The following RBMS3 variants were observed in gnomAD, a reference collection of about 807,000 sequenced individuals.
RBMS3 encodes the protein RNA-binding motif, single-stranded-interacting protein 3.
RBMS3 carries 27 observed loss-of-function variants against 66.8 expected under a neutral mutation model. The ratio of observed to expected loss-of-function variants is 0.40; its 90% CI spans 0.30 to 0.56. The LOEUF is 0.56. Ranked by LOEUF, RBMS3 falls within the 20% of genes least tolerant of loss-of-function variation. The probability of loss-of-function intolerance (pLI) is 0.40; values close to 1 mark genes in which losing one functional copy is unlikely to be tolerated. For missense variants in RBMS3, 513 were observed against 549.5 expected, an observed-to-expected ratio of 0.93 and a Z score of 0.66; for synonymous variants, 188 against 183.0, an observed-to-expected ratio of 1.03 and a Z score of -0.22.
At chr3:29,844,708 A>C (rs2058738905) in intron 6 of RBMS3, among the ~76,000 whole-genome samples, 1 of 152,244 alleles carries the variant, frequency 6.6e-6, no homozygotes, top group Non-Finnish European at 1.5e-5. Flanking sequence ...GATTTGAGTA[A>C]GTTATTTCAA....
intron 4 of RBMS3, among the ~76,000 whole-genome samples, chr3:29,597,032 T>A (rs761345408): frequency 6.6e-6 from 1 of 152,130 alleles, no homozygotes; most frequent in Non-Finnish European, 1.5e-5. Flanking sequence ...ACTGGTGGAA[T>A]GGGACAAGAT....
In RBMS3 at chr3:29,755,661, G is replaced by T. The variant is rs147496754; in HGVS notation, c.558-7249G>T. Among the ~76,000 whole-genome samples the T allele has an allele frequency of 6.4e-3, 971 of 152,310 alleles. 12 individuals are homozygous for T. Among genetic ancestry groups the T allele is most frequent in the African/African-American group, 0.022 (923 of 41,564 alleles). On this transcript the variant is annotated intron_variant, in intron 5 of 14. Coordinates refer to ENST00000383767, the MANE Select transcript of RBMS3 (RefSeq NM_001003793.3). ...GAGCCAGAGCCTCAGAGGAGGGCCT[G>T]CTTGGAAGGACTGTAGACAGGGAGA... is the stretch of plus-strand genomic sequence containing the variant.
intron 5 of RBMS3, among the ~76,000 whole-genome samples, chr3:29,744,321 G>T (rs559067877): frequency 1.3e-5 from 2 of 152,098 alleles, no homozygotes; most frequent in Admixed American, 6.6e-5. Flanking sequence ...AAGGTTTTGG[G>T]TTTTTTTAAA....
At chr3:29,568,098 G>A (rs1355238983) in intron 3 of RBMS3, among the ~76,000 whole-genome samples, 2 of 152,096 alleles carry the variant, frequency 1.3e-5, no homozygotes, top group Non-Finnish European at 2.9e-5. Context: ...ACTGGAATTT[G>A]CATAATACAT....
intron 4 of RBMS3, among the ~76,000 whole-genome samples, chr3:29,683,674 A>C (rs139479811): frequency 2.0e-3 from 303 of 152,356 alleles, no homozygotes; most frequent in Non-Finnish European, 2.8e-3. Context: ...GTTGCTGCTG[A>C]TAAGGCGACA....
intron 2 of RBMS3, among the ~76,000 whole-genome samples, chr3:29,471,693 A>G (rs1276575173): frequency 6.7e-6 from 1 of 148,636 alleles, no homozygotes; most frequent in African/African-American, 2.5e-5. Context: ...TATTGCTGTA[A>G]TGAATTTTAT....
chr3:29,500,685 T>C (rs139101737), intron 3 of RBMS3, among the ~76,000 whole-genome samples: 2 of 152,232 alleles, frequency 1.3e-5, no homozygotes, highest in Non-Finnish European at 2.9e-5. Context: ...CCATACAGCC[T>C]AGGTGTATAG....
chr3:29,997,750 G>T (rs1275695607), intron 14 of RBMS3, among the ~76,000 whole-genome samples: 1 of 151,852 alleles, frequency 6.6e-6, no homozygotes, highest in South Asian at 2.1e-4. Flanking sequence ...AATAAATTAG[G>T]TATCGATGGG....
intron 6 of RBMS3, among the ~76,000 whole-genome samples, chr3:29,797,069 C>A (rs2057225513): frequency 6.6e-6 from 1 of 152,032 alleles, no homozygotes; most frequent in Non-Finnish European, 1.5e-5. Flanking sequence ...GTCAGCCTGT[C>A]CTTTGAAGTT....
In RBMS3 at chr3:29,614,027, G is replaced by A. The variant is rs184194977; in HGVS notation, c.399+26822G>A. On this transcript the variant is annotated intron_variant, in intron 4 of 14. Coordinates refer to ENST00000383767, the MANE Select transcript of RBMS3 (RefSeq NM_001003793.3). ...GTATGTGAAAGAGATAACTGCTCAT[G>A]TTCGTTGCAGCATTATTCCCAATAG... is the stretch of plus-strand genomic sequence containing the variant. Among the ~76,000 whole-genome samples, 418 of 152,240 alleles carry A rather than the reference G, an allele frequency of 2.7e-3. 1 individual carries two copies. The highest frequency in any genetic ancestry group is 9.8e-3 in the African/African-American group (407 of 41,552).
At chr3:29,440,613 A>T (rs1269395712) in intron 2 of RBMS3, among the ~76,000 whole-genome samples, 1 of 152,202 alleles carries the variant, frequency 6.6e-6, no homozygotes. Flanking sequence ...TTTAACATTT[A>T]AAAAGAGAGG....
chr3:29,879,209 T>C (rs1013827243), intron 7 of RBMS3, among the ~76,000 whole-genome samples: 1 of 152,212 alleles, frequency 6.6e-6, no homozygotes, highest in African/African-American at 2.4e-5. Context: ...ATTGTACACA[T>C]AATTTTGTAT....
intron 4 of RBMS3, among the ~76,000 whole-genome samples, chr3:29,598,895 G>A (rs1365469110): frequency 6.6e-6 from 1 of 151,880 alleles, no homozygotes; most frequent in Non-Finnish European, 1.5e-5. Context: ...TGCAAATTCA[G>A]TAGGGCAAAA....
At chr3:29,570,456 C>T (rs980178932) in intron 3 of RBMS3, among the ~76,000 whole-genome samples, 6 of 152,066 alleles carry the variant, frequency 3.9e-5, no homozygotes, top group Admixed American at 2.6e-4. Flanking sequence ...CAACCATCCT[C>T]ACCTCCCCCT....
chr3:29,571,724 T>C (rs1346926625), intron 3 of RBMS3, among the ~76,000 whole-genome samples: 1 of 152,160 alleles, frequency 6.6e-6, no homozygotes, highest in Admixed American at 6.5e-5. Flanking sequence ...TTCAGTTTAG[T>C]TCTTTTTGCT....
intron 6 of RBMS3, among the ~76,000 whole-genome samples, chr3:29,804,447 G>A (rs1381209681): frequency 6.6e-6 from 1 of 151,972 alleles, no homozygotes; most frequent in Non-Finnish European, 1.5e-5. Flanking sequence ...GGTACCTTGA[G>A]CTTGGCAAAT....
At chr3:29,371,071 G>A (rs748257027) in intron 1 of RBMS3, among the ~76,000 whole-genome samples, 3 of 152,208 alleles carry the variant, frequency 2.0e-5, no homozygotes, top group Non-Finnish European at 4.4e-5. Context: ...CTCTAGCAAT[G>A]AGCTGGGTTA....
At chr3:29,799,296 G>A (rs1200889512) in intron 6 of RBMS3, among the ~76,000 whole-genome samples, 1 of 152,104 alleles carries the variant, frequency 6.6e-6, no homozygotes, top group Non-Finnish European at 1.5e-5. Flanking sequence ...ACTTTTTTCT[G>A]AGTTGTCTGA....
chr3:29,486,009 G>A (rs1043110425), intron 2 of RBMS3, among the ~76,000 whole-genome samples: 3 of 152,078 alleles, frequency 2.0e-5, no homozygotes, highest in Non-Finnish European at 2.9e-5. Flanking sequence ...ATAAAATCAT[G>A]TACTTTTAAT....
Sources: allele counts gnomAD v4.1 joint callset (sites outside exome capture counted in the v4.1 genomes callset), GRCh38; gene constraint gnomAD v4.1.1; transcripts MANE v1.5; gene names NCBI Gene and HGNC (gene_info 2026-07-23, HGNC 2026-07-21).